Variants in IFT46 observed in about 807,000 individuals in gnomAD.
IFT46 encodes the protein intraflagellar transport 46, also known as intraflagellar transport protein 46 homolog.
IFT46 carries 19 observed loss-of-function variants against 39.6 expected under a neutral mutation model. The ratio of observed to expected loss-of-function variants is 0.48; its 90% confidence interval spans 0.33 to 0.70. The LOEUF is 0.70. Ranked by LOEUF, IFT46 falls within the 30% of genes least tolerant of loss-of-function variation. IFT46 has a pLI of 0.01. For synonymous variants in IFT46, 117 were observed against 134.8 expected (o/e 0.87, Z 0.91); for missense variants, 334 against 364.8 (o/e 0.92, Z 0.69).
At position 118,544,872 on chromosome 11, in the gene IFT46, C is replaced by T. The variant is rs782055525; in HGVS notation, c.*44G>A. On this transcript the variant is annotated 3_prime_UTR_variant, in exon 12 of 12. Coordinates refer to ENST00000264021, the MANE Select transcript of IFT46 (RefSeq NM_001168618.2). ...AACGATCTGTCCATCTCAGCTGGGG[C>T]AGAGGGGCCAGCTCAGCCTTGAAAC... 7.2e-7 allele frequency: 1 copy of T among 1,379,990 alleles called. No homozygotes were observed. The highest frequency in any genetic ancestry group is 1.0e-6 in the Non-Finnish European group (1 of 970,486). 85.5% of individuals were successfully genotyped at this position (1,379,990 alleles called of 1,614,324 possible). A position where few individuals can be genotyped will look rare whatever the true frequency, so the allele number is the denominator to read the frequency against.
Position 118,552,341 on chromosome 11 carries a change from A to C in IFT46, c.484-6T>G. On this transcript the variant is annotated splice_polypyrimidine_tract_variant and splice_region_variant and intron_variant, in intron 7 of 11. Transcript: ENST00000264021. ...CTTTTTACTTTCATATGTTGCTAGG[A>C]AAGTAAGGAGAAAGCCTAGCTGATG... 1 of 1,613,926 alleles carries C rather than the reference A, an allele frequency of 6.2e-7. No individual in the cohort carries two copies. Among genetic ancestry groups the C allele is most frequent in the Non-Finnish European group, 8.5e-7 (1 of 1,179,964 alleles).
chr11:118,573,367 G>A (rs1427764166), upstream of IFT46, among the ~76,000 whole-genome samples: 4 of 152,144 alleles, frequency 2.6e-5, no homozygotes, highest in African/African-American at 9.7e-5. Context: ...CCAGTTACTT[G>A]CCTTCCCATG....
intron 7 of IFT46, among the ~76,000 whole-genome samples, chr11:118,553,638 A>G (rs1937729672): frequency 6.6e-6 from 1 of 152,212 alleles, no homozygotes; most frequent in Non-Finnish European, 1.5e-5. Context: ...CATATGGCCC[A>G]GCAATTCTAC....
chr11:118,555,163 G>A, intron 5 of IFT46, 80 bp from the exon 6 acceptor site: 1 of 1,527,380 alleles, frequency 6.5e-7, no homozygotes, highest in Non-Finnish European at 9.1e-7. Context: ...AATCTAAGGG[G>A]AATGGCCCTG....
At position 118,544,898 on chromosome 11, in the gene IFT46, A is replaced by G; in HGVS notation, c.*18T>C. 6.3e-7 allele frequency: 1 copy of G among 1,577,878 alleles called. No homozygotes were observed. The highest frequency in any genetic ancestry group is 8.7e-7 in the Non-Finnish European group (1 of 1,147,876). ...AGAGGGGCCAGCTCAGCCTTGAAACAGCAGCTTGGGAAGTGTCTCAGCTGA... is the reference window on the plus strand; with the variant it reads ...AGAGGGGCCAGCTCAGCCTTGAAACGGCAGCTTGGGAAGTGTCTCAGCTGA... On this transcript the variant is annotated 3_prime_UTR_variant, in exon 12 of 12. Transcript: ENST00000264021.
At position 118,544,754 on chromosome 11, in the gene IFT46, A is replaced by G. The variant is rs1951634545; in HGVS notation, c.*162T>C. On this transcript the variant is annotated 3_prime_UTR_variant, in exon 12 of 12. Transcript: ENST00000264021. ...CTGAGGCAGGCAGGTTCATTAAACA[A>G]ACATGTTCTGTGCCCTCTGGCAGAG... is the stretch of plus-strand genomic sequence containing the variant. 1.6e-6 allele frequency: 1 copy of G among 610,996 alleles called. No homozygotes were observed. Among genetic ancestry groups the G allele is most frequent in the Non-Finnish European group, 2.9e-6 (1 of 339,658 alleles). 37.8% of individuals were successfully genotyped at this position (610,996 alleles called of 1,614,324 possible). A position where few individuals can be genotyped will look rare whatever the true frequency, so the allele number is the denominator to read the frequency against.
At chr11:118,559,109 C>A (rs1162758879) in intron 3 of IFT46, among the ~76,000 whole-genome samples, 2 of 151,700 alleles carry the variant, frequency 1.3e-5, no homozygotes, top group African/African-American at 4.8e-5. Flanking sequence ...CTCAGGTGAT[C>A]CGCCCGCCTC....
chr11:118,566,496 T>C (rs1555071538), upstream of IFT46, among the ~76,000 whole-genome samples: 1 of 151,754 alleles, frequency 6.6e-6, no homozygotes, highest in Non-Finnish European at 1.5e-5. Flanking sequence ...ATCGAGACCA[T>C]CCTGGCTAAC....
chr11:118,549,190 T>C (rs1429876613), intron 9 of IFT46, among the ~76,000 whole-genome samples: 3 of 151,300 alleles, frequency 2.0e-5, no homozygotes, highest in Admixed American at 1.3e-4. Context: ...TGAGCCACCA[T>C]GTCCAGCTCC....
chr11:118,570,097 T>C (rs1345469198), upstream of IFT46, among the ~76,000 whole-genome samples: 2 of 144,766 alleles, frequency 1.4e-5, no homozygotes, highest in Admixed American at 7.3e-5. Context: ...GTCGCCACGC[T>C]GGAGTGCAGT....
upstream of IFT46, chr11:118,573,778 C>T (rs1296961140): frequency 3.3e-6 from 2 of 610,686 alleles, no homozygotes; most frequent in Non-Finnish European, 6.0e-6. Flanking sequence ...CTTTTCTCAG[C>T]CTCAGGTATA....
intron 3 of IFT46, 113 bp downstream of exon 3, chr11:118,559,672 C>G: frequency 3.6e-6 from 3 of 828,368 alleles, no homozygotes; most frequent in Non-Finnish European, 4.2e-6. Context: ...CTCAAAGGTC[C>G]CTAACCCCTG....
chr11:118,572,583 G>A (rs376915796), intron 1 of IFT46: 2 of 1,600,110 alleles, frequency 1.2e-6, no homozygotes, highest in Non-Finnish European at 1.7e-6. Flanking sequence ...AACTCCTGGG[G>A]TCCGAGCCTC....
Position 118,545,002 on chromosome 11 carries a change from C to T in IFT46, c.829G>A (p.Ala277Thr), listed in dbSNP as rs1817019893. 2 of 1,610,046 alleles carry T rather than the reference C, an allele frequency of 1.2e-6. No individual in the cohort carries two copies. Among genetic ancestry groups the T allele is most frequent in the Non-Finnish European group, 1.7e-6 (2 of 1,177,162 alleles). The change falls in exon 12 of 12, where the codon GCT (alanine) becomes ACT (threonine). Residue 277 changes from alanine to threonine, a missense_variant. Transcript: ENST00000264021. ...SEFKNSQHFK[A>T]LAEGKKAFTP... ...AATGCTTTCTTGCCTTCAGCGAGAG[C>T]TTTAAAATGCTGCAAGGAAGAGGAG...
intron 4 of IFT46, chr11:118,555,590 C>T: frequency 3.1e-6 from 1 of 324,110 alleles, no homozygotes; most frequent in Non-Finnish European, 5.7e-6. Flanking sequence ...AATGGTTTTC[C>T]TTTTTTTTAA....
At chr11:118,558,865 T>C (rs147573949) in intron 3 of IFT46, among the ~76,000 whole-genome samples, 2,629 of 146,970 alleles carry the variant, frequency 0.018, 84 homozygotes, top group African/African-American at 0.062. Context: ...TTGCAGTGAG[T>C]CAAGATCACT....
chr11:118,545,937 T>G (rs1951673860), intron 9 of IFT46, 84 bp from the exon 10 acceptor site: 1 of 1,209,322 alleles, frequency 8.3e-7, no homozygotes, highest in African/African-American at 1.5e-5. Context: ...GCAAAAGAGC[T>G]TCTAGCATAA....
intron 9 of IFT46, 97 bp downstream of exon 9, chr11:118,551,689 A>G: frequency 2.2e-6 from 2 of 889,502 alleles, no homozygotes; most frequent in Non-Finnish European, 1.8e-6. Flanking sequence ...AAAAAAAAAA[A>G]AGTTACCAAT....
intron 7 of IFT46, 152 bp downstream of exon 7, chr11:118,554,307 C>T (rs1591364889): frequency 1.1e-5 from 6 of 544,286 alleles, no homozygotes; most frequent in East Asian, 3.9e-5. Flanking sequence ...CCACCCGCCT[C>T]GGCCTCCCAA....
Sources: allele counts gnomAD v4.1 joint callset (sites outside exome capture counted in the v4.1 genomes callset), GRCh38; gene constraint gnomAD v4.1.1; transcripts MANE v1.5; gene names NCBI Gene and HGNC (gene_info 2026-07-23, HGNC 2026-07-21).